ADAMTSL1: variants seen among roughly 807,000 people sequenced by gnomAD.
ADAMTSL1 encodes ADAMTS-like protein 1.
A neutral mutation model predicts 201.8 loss-of-function variants in ADAMTSL1; 126 were observed. The observed-to-expected ratio is 0.62, with a 90% CI of 0.54 to 0.72. The LOEUF (loss-of-function observed/expected upper bound fraction) is 0.72, where lower values mean the gene tolerates loss of function less well. ADAMTSL1 is among the 30% of genes least tolerant of loss of function. The probability of loss-of-function intolerance (pLI) is 0.00; values close to 1 mark genes in which losing one functional copy is unlikely to be tolerated. For missense variants in ADAMTSL1, 2,679 were observed against 2,277.8 expected (o/e 1.18, Z -3.59); for synonymous variants, 1,121 against 903.4 (o/e 1.24, Z -4.32).
At chr9:18,620,707 G>T (rs1348194902) in intron 4 of ADAMTSL1, among the ~76,000 whole-genome samples, 1 of 152,130 alleles carries the variant, frequency 6.6e-6, no homozygotes, top group East Asian at 1.9e-4. Flanking sequence ...GAGGCAAACT[G>T]CTCCTCAGCT....
At chr9:18,365,092 C>T (rs980566324) in intron 2 of ADAMTSL1, among the ~76,000 whole-genome samples, 2 of 152,002 alleles carry the variant, frequency 1.3e-5, no homozygotes, top group Non-Finnish European at 2.9e-5. Flanking sequence ...CATATGCTCC[C>T]GGAGATAATG....
intron 23 of ADAMTSL1, among the ~76,000 whole-genome samples, chr9:18,865,180 T>C (rs1037398022): frequency 3.3e-5 from 5 of 152,186 alleles, no homozygotes; most frequent in Admixed American, 2.6e-4. Flanking sequence ...CCTAATGCTA[T>C]CCCTCCCCGC....
At chr9:18,182,620 A>G (rs1186278090) in intron 2 of ADAMTSL1, among the ~76,000 whole-genome samples, 3 of 152,194 alleles carry the variant, frequency 2.0e-5, no homozygotes, top group African/African-American at 7.2e-5. Context: ...GCAGAGTGGC[A>G]GGTAGTGATA....
rs1363187503 is a variant in ADAMTSL1 at position 18,228,841 on chromosome 9, TG to T, written c.207+64861del. 5.9e-4 allele frequency among the ~76,000 whole-genome samples: 84 copies of T among 141,726 alleles called. 1 individual carries two copies. Among genetic ancestry groups the T allele is most frequent in the Middle Eastern group, 3.6e-3 (1 of 274 alleles). 93.0% of individuals were successfully genotyped at this position (141,726 alleles called of 152,430 possible). ...CTGTGATTGTGATTCAGAGTTTTTT[TG>T]TTTTTTTTTTTTTTGTAGTTTGCTT... On this transcript the variant is annotated intron_variant, in intron 2 of 29. Coordinates refer to the ADAMTSL1 transcript ENST00000680146.
At chr9:18,687,438 T>C (rs1830905326) in intron 13 of ADAMTSL1, among the ~76,000 whole-genome samples, 1 of 152,218 alleles carries the variant, frequency 6.6e-6, no homozygotes, top group African/African-American at 2.4e-5. Context: ...AATTAAATGG[T>C]AATGTTTAGA....
chr9:18,819,084 G>C (rs1285364082), intron 21 of ADAMTSL1, among the ~76,000 whole-genome samples: 4 of 152,166 alleles, frequency 2.6e-5, no homozygotes, highest in African/African-American at 9.6e-5. Context: ...ATGGACACAT[G>C]CTTTGGCGAT....
intron 4 of ADAMTSL1, among the ~76,000 whole-genome samples, chr9:18,613,402 C>T (rs1825502205): frequency 6.6e-6 from 1 of 152,140 alleles, no homozygotes; most frequent in South Asian, 2.1e-4. Flanking sequence ...GTTATAAAGG[C>T]ACATGCACAT....
intron 8 of ADAMTSL1, among the ~76,000 whole-genome samples, chr9:18,660,756 A>T (rs73644650): frequency 6.6e-6 from 1 of 152,158 alleles, no homozygotes; most frequent in Non-Finnish European, 1.5e-5. Context: ...GTTCTTATCC[A>T]TTGCTTTCGT....
chr9:17,974,700 CT>C (rs1416560896), intron 1 of ADAMTSL1, among the ~76,000 whole-genome samples: 2 of 151,944 alleles, frequency 1.3e-5, no homozygotes, highest in African/African-American at 4.8e-5. Flanking sequence ...GGATCTCCTT[CT>C]TTTGTTAAGG....
At chr9:17,975,672 C>T (rs1331519968) in intron 1 of ADAMTSL1, among the ~76,000 whole-genome samples, 1 of 152,030 alleles carries the variant, frequency 6.6e-6, no homozygotes, top group Non-Finnish European at 1.5e-5. Flanking sequence ...GTCTTCCACT[C>T]TGTAGGCCAT....
chr9:18,851,005 T>TA (rs1292484234), intron 23 of ADAMTSL1, among the ~76,000 whole-genome samples: 1 of 152,244 alleles, frequency 6.6e-6, no homozygotes, highest in East Asian at 1.9e-4. Context: ...AATTTTTTTT[T>TA]ACCTGTTCTC....
At chr9:18,663,365 A>G (rs1283935971) in intron 9 of ADAMTSL1, among the ~76,000 whole-genome samples, 1 of 152,150 alleles carries the variant, frequency 6.6e-6, no homozygotes, top group Non-Finnish European at 1.5e-5. Flanking sequence ...ATCATATTAC[A>G]TCAGAAAATT....
intron 1 of ADAMTSL1, among the ~76,000 whole-genome samples, chr9:18,159,217 A>C (rs1235928962): frequency 6.6e-6 from 1 of 152,054 alleles, no homozygotes; most frequent in Non-Finnish European, 1.5e-5. Flanking sequence ...ATACAGGCAT[A>C]ACATATTTTA....
intron 15 of ADAMTSL1, among the ~76,000 whole-genome samples, chr9:18,743,286 T>C (rs1220640108): frequency 1.3e-5 from 2 of 152,118 alleles, no homozygotes; most frequent in Admixed American, 6.5e-5. Flanking sequence ...TTGGACCTAG[T>C]TTTGGTGTTA....
chr9:18,544,695 G>C (rs1361758026), intron 3 of ADAMTSL1, among the ~76,000 whole-genome samples: 1 of 152,162 alleles, frequency 6.6e-6, no homozygotes, highest in African/African-American at 2.4e-5. Flanking sequence ...TGGATTGATG[G>C]CTAATGCCAA....
intron 1 of ADAMTSL1, among the ~76,000 whole-genome samples, chr9:17,938,284 C>T (rs1335938654): frequency 6.6e-6 from 1 of 152,012 alleles, no homozygotes; most frequent in African/African-American, 2.4e-5. Flanking sequence ...GCCTTATGTG[C>T]AAACTCGTTT....
rs141066257 is a variant in ADAMTSL1 at position 18,327,886 on chromosome 9, T to A, written c.207+163905T>A. On this transcript the variant is annotated intron_variant, in intron 2 of 29. Coordinates refer to the ADAMTSL1 transcript ENST00000680146. Reference sequence around the variant, plus strand: ...TTCATTTATTCATTCAACCATGATATTTAGCTGTGTAGATTGTGGAAGCTC... The same window carrying A: ...TTCATTTATTCATTCAACCATGATAATTAGCTGTGTAGATTGTGGAAGCTC... Among the ~76,000 whole-genome samples, 3 of 152,334 alleles carry A rather than the reference T, an allele frequency of 2.0e-5. No homozygotes were observed. In the East Asian group the frequency reaches 5.8e-4, roughly 29 times the overall value.
chr9:18,177,661 G>A (rs568725050), intron 2 of ADAMTSL1, among the ~76,000 whole-genome samples: 2 of 152,154 alleles, frequency 1.3e-5, no homozygotes, highest in African/African-American at 4.8e-5. Flanking sequence ...CTATATTCCA[G>A]CCAGTGAGAA....
intron 1 of ADAMTSL1, among the ~76,000 whole-genome samples, chr9:18,094,553 C>T (rs1409583827): frequency 6.6e-6 from 1 of 151,964 alleles, no homozygotes; most frequent in African/African-American, 2.4e-5. Context: ...TTAAAGATGA[C>T]TCTGCCTCAT....
Sources: gnomAD v4.1 joint callset for allele counts (sites outside exome capture counted in the v4.1 genomes callset) on GRCh38, gnomAD v4.1.1 for gene constraint, MANE v1.5 for transcripts, NCBI Gene and HGNC (gene_info 2026-07-23, HGNC 2026-07-21) for gene names.